Variants in LRBA observed in about 807,000 individuals in gnomAD.
The protein encoded by LRBA is lipopolysaccharide-responsive and beige-like anchor protein.
A neutral mutation model predicts 330.0 loss-of-function variants in LRBA; 176 were observed. The ratio of observed to expected loss-of-function variants is 0.53; its 90% CI spans 0.47 to 0.60. LRBA has a LOEUF of 0.60. Among genes scored for constraint, LRBA ranks in the 20% least tolerant of loss-of-function variants. The pLI, the probability that LRBA is intolerant of heterozygous loss-of-function variation, is 0.00. For missense variants in LRBA, 3,259 were observed against 3,444.8 expected, an observed-to-expected ratio of 0.95 and a Z score of 1.35; for synonymous variants, 1,230 against 1,193.0, an observed-to-expected ratio of 1.03 and a Z score of -0.64.
At chr4:150,883,131 A>C (rs1172895936) in intron 17 of LRBA, among the ~76,000 whole-genome samples, 1 of 152,004 alleles carries the variant, frequency 6.6e-6, no homozygotes, top group Admixed American at 6.6e-5. Flanking sequence ...ACCTTTTCTT[A>C]ATTCACCTCT....
intron 36 of LRBA, among the ~76,000 whole-genome samples, chr4:150,691,363 GACAA>G (rs1409394306): frequency 1.3e-5 from 2 of 152,026 alleles, no homozygotes; most frequent in African/African-American, 2.4e-5. Context: ...AATTCAATAA[GACAA>G]ACAACCTAAT....
rs184734584 is a variant in LRBA at position 150,852,710 on chromosome 4, T to G, written c.3000A>C (p.Ser1000=). Residue 1000 remains serine, a synonymous_variant, in exon 23 of 57, where the codon TCA becomes TCC. Transcript: ENST00000651943. ...NENSSIEKTS[S]LESASNIELQ... ...GTTCAATATTAGATGCAGATTCTAG[T>G]GAACTTGTCTTCTCTATACTTGAAT... 1.2e-6 allele frequency: 2 copies of G among 1,613,948 alleles called. No homozygotes were observed. Among genetic ancestry groups the G allele is most frequent in the Non-Finnish European group, 8.5e-7 (1 of 1,179,852 alleles).
chr4:150,803,887 A>T (rs1364012535), intron 33 of LRBA, among the ~76,000 whole-genome samples: 1 of 152,140 alleles, frequency 6.6e-6, no homozygotes, highest in South Asian at 2.1e-4. Context: ...AGGGATATAG[A>T]AGTGTCCATT....
rs1334767032 is a variant in LRBA, at chr4:150,639,830, T to C, written c.5922-40699A>G. On this transcript the variant is annotated intron_variant, in intron 37 of 56. Coordinates refer to ENST00000651943, the MANE Select transcript of LRBA (RefSeq NM_001364905.1). ...ATGTGTGTGTGTGTGTATATATATA[T>C]ATATATATATATATATATATATATA... Among the ~76,000 whole-genome samples, 2 of 16,734 alleles carry C rather than the reference T, an allele frequency of 1.2e-4. 1 individual carries two copies. Among genetic ancestry groups the C allele is most frequent in the Non-Finnish European group, 3.2e-4 (2 of 6,190 alleles). The allele number at this position is 16,734 out of a possible 152,430, so 11.0% of individuals were successfully genotyped here.
chr4:150,995,081 G>A (rs927286180), intron 2 of LRBA, among the ~76,000 whole-genome samples: 2 of 151,920 alleles, frequency 1.3e-5, no homozygotes, highest in Non-Finnish European at 2.9e-5. Context: ...CAGTTGGCAT[G>A]TTTGCCTTTC....
chr4:150,989,933 G>T (rs1200972748), intron 2 of LRBA, among the ~76,000 whole-genome samples: 2 of 151,786 alleles, frequency 1.3e-5, no homozygotes, highest in Non-Finnish European at 2.9e-5. Context: ...AGACCAGCCT[G>T]GGCAACATAG....
chr4:150,869,812 T>C (rs190469441), intron 20 of LRBA, among the ~76,000 whole-genome samples: 2 of 152,290 alleles, frequency 1.3e-5, no homozygotes, highest in African/African-American at 2.4e-5. Context: ...ACCAGCACTT[T>C]GGGAGGTTGA....
chr4:150,414,741 T>A (rs1747490884), intron 47 of LRBA, among the ~76,000 whole-genome samples: 1 of 152,220 alleles, frequency 6.6e-6, no homozygotes, highest in Non-Finnish European at 1.5e-5. Context: ...TCCACCCACC[T>A]TGGCCTCCCA....
chr4:150,524,462 C>T (rs1283972483), intron 40 of LRBA, among the ~76,000 whole-genome samples: 1 of 152,082 alleles, frequency 6.6e-6, no homozygotes, highest in East Asian at 1.9e-4. Flanking sequence ...TAAACCAAAA[C>T]CAATGGGCAC....
At chr4:150,957,977 C>G (rs943620874) in intron 2 of LRBA, among the ~76,000 whole-genome samples, 1 of 149,314 alleles carries the variant, frequency 6.7e-6, no homozygotes, top group Non-Finnish European at 1.5e-5. Context: ...GCTTTCACGG[C>G]TGGCGTTGAG....
At chr4:150,301,617 T>C (rs1454944765) in intron 53 of LRBA, among the ~76,000 whole-genome samples, 3 of 152,134 alleles carry the variant, frequency 2.0e-5, no homozygotes, top group Non-Finnish European at 4.4e-5. Flanking sequence ...TTCATTTTCA[T>C]ACAAATATTA....
intron 37 of LRBA, among the ~76,000 whole-genome samples, chr4:150,636,027 C>T (rs1419480741): frequency 6.6e-6 from 1 of 152,090 alleles, no homozygotes; most frequent in African/African-American, 2.4e-5. Flanking sequence ...AGACTAGGCA[C>T]TCTGGGCATA....
At chr4:150,597,221 A>G in intron 38 of LRBA, 1 of 486,080 alleles carries the variant, frequency 2.1e-6, no homozygotes, top group East Asian at 3.3e-5. Flanking sequence ...ATGATAGTAA[A>G]AACATGTTAA....
chr4:150,885,878 A>T (rs1437719852), intron 17 of LRBA, among the ~76,000 whole-genome samples: 12 of 152,228 alleles, frequency 7.9e-5, no homozygotes, highest in Admixed American at 7.9e-4. Flanking sequence ...ATGGAAGCAA[A>T]TAAAAGTATT....
chr4:150,397,834 T>C (rs1200653899), intron 47 of LRBA, among the ~76,000 whole-genome samples: 2 of 152,162 alleles, frequency 1.3e-5, no homozygotes, highest in Admixed American at 1.3e-4. Flanking sequence ...CATAAACTTA[T>C]TGTGAGACCT....
intron 5 of LRBA, among the ~76,000 whole-genome samples, chr4:150,920,633 T>C (rs528580403): frequency 6.6e-6 from 1 of 152,300 alleles, no homozygotes; most frequent in East Asian, 1.9e-4. Flanking sequence ...ATAAATAACA[T>C]ATATACATTA....
intron 40 of LRBA, among the ~76,000 whole-genome samples, chr4:150,521,296 T>C (rs1241253163): frequency 6.6e-6 from 1 of 152,166 alleles, no homozygotes; most frequent in African/African-American, 2.4e-5. Flanking sequence ...GCCTCAGATA[T>C]TTGATTTTAA....
Position 150,321,431 on chromosome 4 carries a change from GAAGA to G in LRBA, c.7453-67_7453-64del, listed in dbSNP as rs1466583175. 1.4e-6 allele frequency: 2 copies of G among 1,394,100 alleles called. No individual in the cohort carries two copies. Among genetic ancestry groups the G allele is most frequent in the African/African-American group, 3.0e-5 (2 of 67,362 alleles). 86.4% of individuals were successfully genotyped at this position (1,394,100 alleles called of 1,614,324 possible). On this transcript the variant is annotated intron_variant, in intron 49 of 56. Coordinates refer to ENST00000651943, the MANE Select transcript of LRBA (RefSeq NM_001364905.1). This position sits in a 1 kb window ranked among gnomAD's most constrained non-coding sequence, Gnocchi z 4.5. Reference sequence around the variant, plus strand: ...CCCAAATAGACAAGAAGGAAAAGATGAAGAAAGACAAGAAAGAGAGGGGGTGCAG... The same window carrying G: ...CCCAAATAGACAAGAAGGAAAAGATGAAGACAAGAAAGAGAGGGGGTGCAG...
At chr4:150,800,482 T>C (rs950259774) in intron 33 of LRBA, among the ~76,000 whole-genome samples, 2 of 152,186 alleles carry the variant, frequency 1.3e-5, no homozygotes, top group Non-Finnish European at 2.9e-5. Flanking sequence ...GTCACTTCTA[T>C]TTTTGACCTA....
Sources: allele counts gnomAD v4.1 joint callset (sites outside exome capture counted in the v4.1 genomes callset), GRCh38; gene constraint gnomAD v4.1.1; non-coding constraint Gnocchi (gnomAD v3.1); transcripts MANE v1.5; gene names NCBI Gene and HGNC (gene_info 2026-07-23, HGNC 2026-07-21).